The following LRRC38 variants were observed in gnomAD, a reference collection of about 807,000 sequenced individuals.
LRRC38 encodes leucine-rich repeat-containing protein 38.
A neutral mutation model predicts 16.4 loss-of-function variants in LRRC38; 5 were observed. The observed-to-expected ratio is 0.31, with a 90% CI of 0.16 to 0.64. LRRC38 has a LOEUF of 0.64. Among genes scored for constraint, LRRC38 ranks in the 30% least tolerant of loss-of-function variants. The pLI is 0.80. For synonymous variants in LRRC38, 191 were observed against 190.2 expected (o/e 1.00, Z -0.04); for missense variants, 341 against 401.8 (o/e 0.85, Z 1.29).
chr1:13,506,119 C>T (rs1170191347), intron 1 of LRRC38, among the ~76,000 whole-genome samples: 1 of 152,096 alleles, frequency 6.6e-6, no homozygotes, highest in Non-Finnish European at 1.5e-5. Flanking sequence ...AGGATAAGCA[C>T]AGCATCCCAC....
chr1:13,500,550 C>T (rs527394445), intron 1 of LRRC38, among the ~76,000 whole-genome samples: 3 of 152,322 alleles, frequency 2.0e-5, no homozygotes, highest in Admixed American at 2.0e-4. Context: ...GAGGCCCCCT[C>T]CCCACTTCAA....
At chr1:13,511,526 C>T (rs1170801568) in intron 1 of LRRC38, among the ~76,000 whole-genome samples, 1 of 152,102 alleles carries the variant, frequency 6.6e-6, no homozygotes, top group Non-Finnish European at 1.5e-5. Context: ...TTCATAAAAC[C>T]TTGCCTTCAC....
intron 1 of LRRC38, among the ~76,000 whole-genome samples, chr1:13,492,166 G>A (rs355040): frequency 0.35 from 53,268 of 151,946 alleles, 12,334 homozygotes; most frequent in African/African-American, 0.66. Context: ...TTTCTCTTCT[G>A]TGAGTTTGAC....
Position 13,475,983 on chromosome 1 carries a change from T to C in LRRC38, c.748A>G (p.Ile250Val). 1 of 1,550,476 alleles carries C rather than the reference T, an allele frequency of 6.4e-7. No individual in the cohort carries two copies. Among genetic ancestry groups the C allele is most frequent in the South Asian group, 1.2e-5 (1 of 84,038 alleles). Reference protein sequence around the residue: ...RFSLSLTDLCIIIFSGVAVSI... With the variant: ...RFSLSLTDLCVIIFSGVAVSI... ...ACGGCCACACCGGAGAAAATGATGA[T>C]GCAGAGGTCTGTGAGTGACAGGCTG... The change falls in exon 2 of 2, where the codon ATC (isoleucine) becomes GTC (valine). Residue 250 changes from isoleucine (I) to valine (V), a missense_variant. Ile to Val is a conservative substitution (Grantham distance 29, BLOSUM62 3). Coordinates refer to ENST00000376085, the MANE Select transcript of LRRC38 (RefSeq NM_001010847.2). The surrounding 1 kb of genome is among the most constrained non-coding windows in gnomAD (Gnocchi z 4.3).
intron 1 of LRRC38, among the ~76,000 whole-genome samples, chr1:13,488,032 T>TGTGTGTG (rs1638959097): frequency 2.0e-5 from 3 of 147,104 alleles, no homozygotes; most frequent in African/African-American, 7.6e-5. Context: ...TTGTGTGTGT[T>TGTGTGTG]TGTGTGTGTG....
chr1:13,498,402 C>T lies in LRRC38; in HGVS notation c.631+14561G>A, dbSNP rs376568239. Among the ~76,000 whole-genome samples the T allele has an allele frequency of 1.4e-4, 22 of 152,214 alleles. No homozygotes were observed. In the East Asian group the frequency reaches 2.1e-3, roughly 15 times the overall value. On this transcript the variant is annotated intron_variant, in intron 1 of 1. Transcript: ENST00000376085. Reference sequence around the variant, plus strand: ...ATCTCAGCACTTTGGGAGGCTGAGGCAGGGGGAATCACAAGGTCAGGAGTT... The same window carrying T: ...ATCTCAGCACTTTGGGAGGCTGAGGTAGGGGGAATCACAAGGTCAGGAGTT...
chr1:13,507,304 G>A (rs910194582), intron 1 of LRRC38, among the ~76,000 whole-genome samples: 1 of 152,158 alleles, frequency 6.6e-6, no homozygotes, highest in Non-Finnish European at 1.5e-5. Flanking sequence ...CAAGTTAAAG[G>A]TGCAGTGGAC....
rs58436602 is a variant in LRRC38, at chr1:13,502,094, A to ATT, written c.631+10867_631+10868dup. On this transcript the variant is annotated intron_variant, in intron 1 of 1. Transcript: ENST00000376085. ...AGGGGCACGCTGCCACGCCCAGCCAATTTTTTTTTTTTTTTTTTGTATTTT... is the reference window on the plus strand; with the variant it reads ...AGGGGCACGCTGCCACGCCCAGCCAATTTTTTTTTTTTTTTTTTTTGTATTTT... Among the ~76,000 whole-genome samples, 394 of 133,874 alleles carry ATT rather than the reference A, an allele frequency of 2.9e-3. 3 individuals carry two copies. The highest frequency in any genetic ancestry group is 4.2e-3 in the Non-Finnish European group (266 of 62,704). The allele number at this position is 133,874 out of a possible 152,430, so 87.8% of individuals were successfully genotyped here. A position where few individuals can be genotyped will look rare whatever the true frequency, so the allele number is the denominator to read the frequency against.
chr1:13,487,649 A>G lies in LRRC38; in HGVS notation c.632-11550T>C, dbSNP rs6680362. 0.16 allele frequency among the ~76,000 whole-genome samples: 24,051 copies of G among 152,106 alleles called. 1,952 individuals are homozygous for G. The highest frequency in any genetic ancestry group is 0.24 in the East Asian group (1,228 of 5,156). ...CACCTGTCTGGGCTCCCTCCCCTTG[A>G]GTGATGACTTCTCCCCAGCAGCTGA... is the stretch of plus-strand genomic sequence containing the variant. On this transcript the variant is annotated intron_variant, in intron 1 of 1. Coordinates refer to ENST00000376085, the MANE Select transcript of LRRC38 (RefSeq NM_001010847.2). The surrounding 1 kb of genome is among the most constrained non-coding windows in gnomAD (Gnocchi z 4.4).
intron 1 of LRRC38, among the ~76,000 whole-genome samples, chr1:13,498,556 G>C (rs1482676259): frequency 6.6e-6 from 1 of 152,150 alleles, no homozygotes; most frequent in Admixed American, 6.5e-5. Context: ...GCTTGAACCT[G>C]GGAGGCGGAG....
chr1:13,475,356 T>C lies in LRRC38; in HGVS notation c.*490A>G, dbSNP rs1345841196. The C allele has an allele frequency of 6.3e-6, 1 of 159,954 alleles. No individual in the cohort carries two copies. The highest frequency in any genetic ancestry group is 1.4e-5 in the Non-Finnish European group (1 of 71,982). The allele number at this position is 159,954 out of a possible 1,614,324, so 9.9% of individuals were successfully genotyped here. On this transcript the variant is annotated 3_prime_UTR_variant, in exon 2 of 2. Transcript: ENST00000376085. This position sits in a 1 kb window ranked among gnomAD's most constrained non-coding sequence, Gnocchi z 4.3. ...ACATCCCAAGGTTGCTGAGGCCTAT[T>C]ATATAAGGATCAAAGTTCTCGTTCT...
chr1:13,512,931 C>CCCCCA, intron 1 of LRRC38, 32 bp downstream of exon 1: 6 of 1,404,100 alleles, frequency 4.3e-6, no homozygotes, highest in Non-Finnish European at 5.8e-6. Flanking sequence ...GCCCCCCTCC[C>CCCCCA]TCCCTCCCCC....
chr1:13,481,762 CCTCTCTCTCCCTCTCTCCCT>C (rs1638868471), intron 1 of LRRC38, among the ~76,000 whole-genome samples: 1 of 50,810 alleles, frequency 2.0e-5, no homozygotes, highest in Admixed American at 1.8e-4. Context: ...ACTTTCTTTC[CCTCTCTCTCCCTCTCTCCCT>C]CTCTCCCTCT....
intron 1 of LRRC38, among the ~76,000 whole-genome samples, chr1:13,512,595 G>A (rs1027446993): frequency 2.0e-5 from 3 of 151,982 alleles, no homozygotes; most frequent in African/African-American, 7.2e-5. Context: ...GAATACGGCC[G>A]TTTCCCATAG....
At chr1:13,483,389 T>G (rs1324010948) in intron 1 of LRRC38, among the ~76,000 whole-genome samples, 1 of 152,192 alleles carries the variant, frequency 6.6e-6, no homozygotes, top group African/African-American at 2.4e-5. Context: ...CCTCAGGTGA[T>G]CCACCTGCCT....
At chr1:13,485,145 C>T (rs148291430) in intron 1 of LRRC38, among the ~76,000 whole-genome samples, 148 of 152,050 alleles carry the variant, frequency 9.7e-4, no homozygotes, top group African/African-American at 3.3e-3. Context: ...GGCGTGATGG[C>T]GCATGCCTGT....
chr1:13,495,450 G>C (rs760147666), intron 1 of LRRC38, among the ~76,000 whole-genome samples: 1 of 151,252 alleles, frequency 6.6e-6, no homozygotes, highest in Non-Finnish European at 1.5e-5. Flanking sequence ...TAAGGGCTCC[G>C]TCTATTTAGG....
chr1:13,502,426 A>T (rs1219764918), intron 1 of LRRC38, among the ~76,000 whole-genome samples: 7 of 151,910 alleles, frequency 4.6e-5, no homozygotes, highest in Non-Finnish European at 1.0e-4. Context: ...GCTCCCAGGC[A>T]CTGGCTGGGA....
intron 1 of LRRC38, among the ~76,000 whole-genome samples, chr1:13,493,269 G>A (rs1639039609): frequency 6.6e-6 from 1 of 152,014 alleles, no homozygotes; most frequent in Admixed American, 6.6e-5. Flanking sequence ...GGGGCTCGGT[G>A]CTGCAGCAAC....
Sources: gnomAD v4.1 joint callset for allele counts (sites outside exome capture counted in the v4.1 genomes callset) on GRCh38, gnomAD v4.1.1 for gene constraint, Gnocchi (gnomAD v3.1) non-coding constraint, MANE v1.5 for transcripts, NCBI Gene and HGNC (gene_info 2026-07-23, HGNC 2026-07-21) for gene names.